The following SEBOX variants were observed in gnomAD, a reference collection of about 807,000 sequenced individuals.
SEBOX encodes the protein SEBOX homeobox, also known as homeobox protein SEBOX.
SEBOX carries 10 observed loss-of-function variants against 7.8 expected under a neutral mutation model. The ratio of observed to expected loss-of-function variants is 1.28; its 90% confidence interval spans 0.79 to 2.17. The LOEUF is 2.17. Among genes scored for constraint, SEBOX ranks in the 30% most tolerant of loss-of-function variants. The probability of loss-of-function intolerance (pLI) is 0.00; values close to 1 mark genes in which losing one functional copy is unlikely to be tolerated. For synonymous variants in SEBOX, 98 were observed against 91.5 expected, an observed-to-expected ratio of 1.07 and a Z score of -0.40; for missense variants, 240 against 239.5, an observed-to-expected ratio of 1.00 and a Z score of -0.01.
Position 28,364,533 on chromosome 17 carries a change from G to A in SEBOX, c.308C>T (p.Pro103Leu). 1.2e-6 allele frequency: 2 copies of A among 1,601,186 alleles called. No homozygotes were observed. Among genetic ancestry groups the A allele is most frequent in the Non-Finnish European group, 1.7e-6 (2 of 1,171,732 alleles). The change falls in exon 3 of 3, where the codon CCC (proline) becomes CTC (leucine). Residue 103 changes from proline to leucine, a missense_variant. By Grantham distance (98) the Pro-to-Leu change is moderately conservative. Transcript: ENST00000536498. ...TTGGCCTGGCATTTGGGGATCCCAGGGCTGCTGGAGGGTGTCTGGAAGAGA... is the reference window on the plus strand; with the variant it reads ...TTGGCCTGGCATTTGGGGATCCCAGAGCTGCTGGAGGGTGTCTGGAAGAGA... ...SCSLPDTLQQ[P>L]WDPQMPGQPP...
In SEBOX at chr17:28,364,796, T is replaced by A; in HGVS notation, c.191A>T (p.Gln64Leu). The A allele has an allele frequency of 2.5e-6, 4 of 1,613,902 alleles. No homozygotes were observed. The South Asian group carries it at 4.4e-5, about 18-fold the overall frequency. Residue 64 changes from glutamine to leucine, a missense_variant and splice_region_variant, in exon 2 of 3, where the codon CAG (glutamine) becomes CTG (leucine). Physicochemically the swap from Gln to Leu is moderately radical, Grantham distance 113. Transcript: ENST00000536498. The stretch of plus-strand genomic sequence containing the variant: ...GTGTGAGAAGGGGTCACAGCTCACC[T>A]GTACCTTGGCCTCAGGAAGGCAAGT... ...WVTCLPEAKV[Q>L]VWFQKRWAKI...
In SEBOX at chr17:28,364,568, C is replaced by T. The variant is rs1246304656; in HGVS notation, c.273G>A (p.Gln91=). Residue 91 remains glutamine, a synonymous_variant, in exon 3 of 3, where the codon CAG becomes CAA. Transcript: ENST00000536498. ...GILSPGSECP[Q]SSCSLPDTLQ... is the part of the protein sequence containing the mutation. ...GGGTGTCTGGAAGAGAACAGGAGCT[C>T]TGGGGGCACTCAGACCCAGGGCTTA... 1.9e-6 allele frequency: 3 copies of T among 1,567,746 alleles called. No individual in the cohort carries two copies. Among genetic ancestry groups the T allele is most frequent in the East Asian group, 2.3e-5 (1 of 44,426 alleles).
rs577641035 is a variant in SEBOX at position 28,365,085 on chromosome 17, G to T, written c.31+36C>A. On this transcript the variant is annotated intron_variant, in intron 1 of 2. Transcript: ENST00000536498. ...CCGTCCTCATCCTACCATGGCCTGC[G>T]TTCTCACCCTGCCCACACTTCCCCC... 1.4e-4 allele frequency: 224 copies of T among 1,591,882 alleles called. 2 individuals are homozygous for T. In the Middle Eastern group the frequency reaches 5.6e-3, roughly 40 times the overall value.
rs782359238 is a variant in SEBOX at position 28,364,655 on chromosome 17, G to A, written c.193-7C>T. 2 of 1,545,324 alleles carry A rather than the reference G, an allele frequency of 1.3e-6. No individual in the cohort carries two copies. The highest frequency in any genetic ancestry group is 1.7e-6 in the Non-Finnish European group (2 of 1,149,394). On this transcript the variant is annotated splice_polypyrimidine_tract_variant and splice_region_variant and intron_variant, in intron 2 of 2. Coordinates refer to ENST00000536498, the MANE Select transcript of SEBOX (RefSeq NM_001080837.4). ...AGCGCTTCTGGAACCACACCTGCTA[G>A]GAAAGAAGAAGGGGTCTGTTCTGGC... is the stretch of plus-strand genomic sequence containing the variant.
intron 1 of SEBOX, 69 bp downstream of exon 1, chr17:28,365,052 C>G: frequency 6.3e-7 from 1 of 1,577,802 alleles, no homozygotes; most frequent in Non-Finnish European, 8.6e-7. Flanking sequence ...ACTCCCACCC[C>G]TCTCCAACCG....
chr17:28,364,348 C>G lies in SEBOX; in HGVS notation c.493G>C (p.Ala165Pro). Residue 165 changes from alanine (A) to proline (P), a missense_variant, in exon 3 of 3, where the codon GCT (alanine) becomes CCT (proline). By Grantham distance (27) the Ala-to-Pro change is conservative. Coordinates refer to ENST00000536498, the MANE Select transcript of SEBOX (RefSeq NM_001080837.4). ...ASEVHPSLER[A>P]TPQTSLGSLS... is the part of the protein sequence containing the mutation. ...CTGCCTAGTGAAGTCTGGGGAGTAG[C>G]TCGCTCTAAAGAAGGGTGGACCTCT... is the stretch of plus-strand genomic sequence containing the variant. 1 of 1,599,212 alleles carries G rather than the reference C, an allele frequency of 6.3e-7. No homozygotes were observed. The highest frequency in any genetic ancestry group is 8.5e-7 in the Non-Finnish European group (1 of 1,172,778).
In SEBOX at chr17:28,364,331, T is replaced by A. The variant is rs781966902; in HGVS notation, c.510A>T (p.Ser170=). The part of the protein sequence containing the change: ...PSLERATPQT[S]LGSLSDLIYA... ...AGATGAGGTCAGACAGGCTGCCTAG[T>A]GAAGTCTGGGGAGTAGCTCGCTCTA... The change falls in exon 3 of 3, where the codon TCA becomes TCT. Residue 170 remains serine (S), a synonymous_variant. Transcript: ENST00000536498. 5.0e-6 allele frequency: 8 copies of A among 1,603,204 alleles called. No individual in the cohort carries two copies. The South Asian group carries it at 9.0e-5, about 18-fold the overall frequency.
In SEBOX at chr17:28,364,544, G is replaced by A. The variant is rs112015330; in HGVS notation, c.297C>T (p.Thr99=). Residue 99 remains threonine (T), a synonymous_variant, in exon 3 of 3, where the codon ACC becomes ACT. Coordinates refer to ENST00000536498, the MANE Select transcript of SEBOX (RefSeq NM_001080837.4). ...TTTGGGGATCCCAGGGCTGCTGGAG[G>A]GTGTCTGGAAGAGAACAGGAGCTCT... is the stretch of plus-strand genomic sequence containing the variant. ...CPQSSCSLPD[T]LQQPWDPQMP... is the part of the protein sequence containing the mutation. The A allele has an allele frequency of 6.3e-6, 10 of 1,597,108 alleles. No homozygotes were observed. The highest frequency in any genetic ancestry group is 8.5e-6 in the Non-Finnish European group (10 of 1,169,730).
chr17:28,364,346 A>G lies in SEBOX; in HGVS notation c.495T>C (p.Ala165=). ...GGCTGCCTAGTGAAGTCTGGGGAGT[A>G]GCTCGCTCTAAAGAAGGGTGGACCT... The part of the protein sequence containing the change: ...ASEVHPSLER[A]TPQTSLGSLS... Residue 165 remains alanine (A), a synonymous_variant, in exon 3 of 3, where the codon GCT becomes GCC. Transcript: ENST00000536498. 4 of 1,599,112 alleles carry G rather than the reference A, an allele frequency of 2.5e-6. No homozygotes were observed. The highest frequency in any genetic ancestry group is 1.3e-5 in the African/African-American group (1 of 74,764).
rs902772719 is a variant in SEBOX at position 28,364,108 on chromosome 17, A to T, written c.*160T>A. Among the ~76,000 whole-genome samples, 1 of 152,216 alleles carries T rather than the reference A, an allele frequency of 6.6e-6. No homozygotes were observed. The highest frequency in any genetic ancestry group is 2.4e-5 in the African/African-American group (1 of 41,470). ...CTGCATCTAGGCTGGCCTGGAGGCC[A>T]GTGGAAGGGAGGGATGCCTGAGCTA... is the stretch of plus-strand genomic sequence containing the variant. On this transcript the variant is annotated 3_prime_UTR_variant, in exon 3 of 3. Coordinates refer to ENST00000536498, the MANE Select transcript of SEBOX (RefSeq NM_001080837.4).
chr17:28,364,964 C>T lies in SEBOX; in HGVS notation c.32-9G>A, dbSNP rs1555582797. ...CAACCCGCTGCCACCGTCTGCAGGCCATGGTGGGGGTCAAGCTGGGACTCC... is the reference window on the plus strand; with the variant it reads ...CAACCCGCTGCCACCGTCTGCAGGCTATGGTGGGGGTCAAGCTGGGACTCC... On this transcript the variant is annotated splice_polypyrimidine_tract_variant and intron_variant, in intron 1 of 2. Transcript: ENST00000536498. The T allele has an allele frequency of 6.2e-7, 1 of 1,607,024 alleles. No homozygotes were observed.
rs2067883404 is a variant in SEBOX, at chr17:28,363,844, C to T, written c.*424G>A. 6.6e-6 allele frequency among the ~76,000 whole-genome samples: 1 copy of T among 152,222 alleles called. No homozygotes were observed. Among genetic ancestry groups the T allele is most frequent in the African/African-American group, 2.4e-5 (1 of 41,458 alleles). Reference sequence around the variant, plus strand: ...TGAGGAGCAGCACTCTCCTCTCCTACCTCACTTAGCAGTTAGCAAGGTAAT... The same window carrying T: ...TGAGGAGCAGCACTCTCCTCTCCTATCTCACTTAGCAGTTAGCAAGGTAAT... On this transcript the variant is annotated 3_prime_UTR_variant, in exon 3 of 3. Coordinates refer to ENST00000536498, the MANE Select transcript of SEBOX (RefSeq NM_001080837.4).
chr17:28,364,251 C>G lies in SEBOX; in HGVS notation c.*17G>C. 6.3e-7 allele frequency: 1 copy of G among 1,589,924 alleles called. No individual in the cohort carries two copies. Among genetic ancestry groups the G allele is most frequent in the South Asian group, 1.1e-5 (1 of 87,670 alleles). ...CACAGGAGTCAGAGGAGGGGCCTTG[C>G]AAGTTCTGGACAAAGACTAGGAGTG... On this transcript the variant is annotated 3_prime_UTR_variant, in exon 3 of 3. Coordinates refer to ENST00000536498, the MANE Select transcript of SEBOX (RefSeq NM_001080837.4).
Position 28,364,579 on chromosome 17 carries a change from CAG to C in SEBOX, c.260_261del (p.Ser87Ter), listed in dbSNP as rs1555582708. ...NRKSGILSPG[S>X]ECPQSSCSLP... ...AGAGAACAGGAGCTCTGGGGGCACT[CAG>C]ACCCAGGGCTTAGAATTCCTGACTT... On this transcript the variant is annotated frameshift_variant, in exon 3 of 3. Transcript: ENST00000536498. LOFTEE classifies it low-confidence loss of function (END_TRUNC). The C allele has an allele frequency of 1.3e-6, 2 of 1,559,350 alleles. No homozygotes were observed. The highest frequency in any genetic ancestry group is 4.5e-5 in the East Asian group (2 of 44,380).
Position 28,364,225 on chromosome 17 carries a change from C to G in SEBOX, c.*43G>C. 1.3e-6 allele frequency: 2 copies of G among 1,559,798 alleles called. No homozygotes were observed. The highest frequency in any genetic ancestry group is 1.7e-6 in the Non-Finnish European group (2 of 1,149,248). Reference sequence around the variant, plus strand: ...TCAATCCCAGGAGGGGCAGGGTGGGCCACAGGAGTCAGAGGAGGGGCCTTG... The same window carrying G: ...TCAATCCCAGGAGGGGCAGGGTGGGGCACAGGAGTCAGAGGAGGGGCCTTG... On this transcript the variant is annotated 3_prime_UTR_variant, in exon 3 of 3. Coordinates refer to ENST00000536498, the MANE Select transcript of SEBOX (RefSeq NM_001080837.4).
In SEBOX at chr17:28,365,124, C is replaced by G. The variant is rs782097973; in HGVS notation, c.28G>C (p.Ala10Pro). 2.5e-6 allele frequency: 4 copies of G among 1,608,048 alleles called. No individual in the cohort carries two copies. The highest frequency in any genetic ancestry group is 3.4e-6 in the Non-Finnish European group (4 of 1,176,610). Residue 10 changes from alanine (A) to proline (P), a missense_variant, in exon 1 of 3, where the codon GCA becomes CCA. Transcript: ENST00000536498. ...CACACTTCCCCCATCAGATCACCTG[C>G]TGAGGATGCATCCACAGGGCTGGGC... MPSPVDASSADGGSGLGSHR... is the reference protein window; with the variant it reads MPSPVDASSPDGGSGLGSHR...
chr17:28,364,391 C>G lies in SEBOX; in HGVS notation c.450G>C (p.Trp150Cys), dbSNP rs2067891046. The G allele has an allele frequency of 2.5e-6, 4 of 1,591,592 alleles. No individual in the cohort carries two copies. Among genetic ancestry groups the G allele is most frequent in the Non-Finnish European group, 3.4e-6 (4 of 1,168,762 alleles). ...GGACCTCTGAAGCCCCAGCTGATCC[C>G]CATGGGGCTACAGCTTTAGCCCCTT... ...GWEGAKAVAP[W>C]GSAGASEVHP... The change falls in exon 3 of 3, where the codon TGG becomes TGC. Residue 150 changes from tryptophan to cysteine, a missense_variant. Transcript: ENST00000536498.
At position 28,364,412 on chromosome 17, in the gene SEBOX, C is replaced by T. The variant is rs995425536; in HGVS notation, c.429G>A (p.Gly143=). 7.5e-6 allele frequency: 12 copies of T among 1,589,446 alleles called. No individual in the cohort carries two copies. The African/African-American group carries it at 1.5e-4, about 20-fold the overall frequency. Residue 143 remains glycine (G), a synonymous_variant, in exon 3 of 3, where the codon GGG becomes GGA. Coordinates refer to ENST00000536498, the MANE Select transcript of SEBOX (RefSeq NM_001080837.4). ...PGLSPRQGWE[G]AKAVAPWGSA... is the part of the protein sequence containing the mutation. ...ATCCCCATGGGGCTACAGCTTTAGC[C>T]CCTTCCCAGCCCTGCCGTGGACTCA...
chr17:28,364,505 A>G lies in SEBOX; in HGVS notation c.336T>C (p.Pro112=). ...GCTGAGGTGTGCCGCTGGAGGGTGGAGGTTGGCCTGGCATTTGGGGATCCC... is the reference window on the plus strand; with the variant it reads ...GCTGAGGTGTGCCGCTGGAGGGTGGGGGTTGGCCTGGCATTTGGGGATCCC... ...QPWDPQMPGQ[P]PPSSGTPQRT... The change falls in exon 3 of 3, where the codon CCT becomes CCC. Residue 112 remains proline, a synonymous_variant. Coordinates refer to ENST00000536498, the MANE Select transcript of SEBOX (RefSeq NM_001080837.4). The G allele has an allele frequency of 6.2e-7, 1 of 1,606,458 alleles. No individual in the cohort carries two copies.
Sources: gnomAD v4.1 joint callset for allele counts (sites outside exome capture counted in the v4.1 genomes callset) on GRCh38, gnomAD v4.1.1 for gene constraint, MANE v1.5 for transcripts, NCBI Gene and HGNC (gene_info 2026-07-23, HGNC 2026-07-21) for gene names.